MIER1: variants seen among roughly 807,000 people sequenced by gnomAD.
The protein encoded by MIER1 is MIER1 transcriptional regulator.
A neutral mutation model predicts 75.7 loss-of-function variants in MIER1; 40 were observed. The ratio of observed to expected loss-of-function variants is 0.53; its 90% confidence interval spans 0.41 to 0.69. MIER1 has a LOEUF of 0.69. MIER1 is among the 30% of genes least tolerant of loss of function. MIER1 has a pLI of 0.00. For missense variants in MIER1, 574 were observed against 680.2 expected (o/e 0.84, Z 1.74); for synonymous variants, 213 against 223.4 (o/e 0.95, Z 0.42).
rs769347989 is a variant in MIER1 at position 66,926,202 on chromosome 1, A to T, written c.128A>T (p.Asn43Ile). ...LAEFRTWLRT[N>I]WLRFNADKTD... is the part of the protein sequence containing the mutation. ...GAGTTTCGGACGTGGTTAAGAACCAACTGGTTGAGGTTCAATGCAGACAAG... is the reference window on the plus strand; with the variant it reads ...GAGTTTCGGACGTGGTTAAGAACCATCTGGTTGAGGTTCAATGCAGACAAG... The change falls in exon 2 of 14, where the codon AAC (asparagine) becomes ATC (isoleucine). Residue 43 changes from asparagine to isoleucine, a missense_variant. By Grantham distance (149) the Asn-to-Ile change is moderately radical. Coordinates refer to ENST00000401041, the MANE Select transcript of MIER1 (RefSeq NM_001077700.3). 1.2e-6 allele frequency: 2 copies of T among 1,613,892 alleles called. No homozygotes were observed. Among genetic ancestry groups the T allele is most frequent in the Admixed American group, 3.3e-5 (2 of 60,028 alleles).
In MIER1 at chr1:66,985,071, C is replaced by T; in HGVS notation, c.*171C>T. The T allele has an allele frequency of 7.4e-7, 1 of 1,346,824 alleles. No individual in the cohort carries two copies. The highest frequency in any genetic ancestry group is 9.5e-7 in the Non-Finnish European group (1 of 1,048,504). 83.4% of individuals were successfully genotyped at this position (1,346,824 alleles called of 1,614,324 possible). A position where few individuals can be genotyped will look rare whatever the true frequency, so the allele number is the denominator to read the frequency against. On this transcript the variant is annotated 3_prime_UTR_variant, in exon 14 of 14. Transcript: ENST00000401041. ...ATTCTGCCTTTTGCAGATTTTTTTA[C>T]TTTAAAGCTGTCAGACTCTTTTAAG...
chr1:66,948,208 A>T, intron 4 of MIER1: 2 of 935,190 alleles, frequency 2.1e-6, no homozygotes, highest in South Asian at 9.9e-5. Flanking sequence ...TGGATATATC[A>T]GTCTGGTATG....
At chr1:66,980,536 T>G (rs1406072593) in intron 12 of MIER1, among the ~76,000 whole-genome samples, 2 of 152,210 alleles carry the variant, frequency 1.3e-5, no homozygotes, top group African/African-American at 2.4e-5. Context: ...TAATAGCATA[T>G]TATAGACTAT....
Position 66,986,332 on chromosome 1 carries a change from T to C in MIER1, c.*1432T>C. ...AAATTCTTGTTAAATAATGTAGTTT[T>C]ATATAGCTGATAGACCAACCTATAT... is the stretch of plus-strand genomic sequence containing the variant. On this transcript the variant is annotated 3_prime_UTR_variant, in exon 14 of 14. Coordinates refer to ENST00000401041, the MANE Select transcript of MIER1 (RefSeq NM_001077700.3). 6.4e-7 allele frequency: 1 copy of C among 1,559,970 alleles called. No individual in the cohort carries two copies. Among genetic ancestry groups the C allele is most frequent in the Non-Finnish European group, 8.6e-7 (1 of 1,160,392 alleles).
intron 4 of MIER1, chr1:66,946,801 CT>C: frequency 1.0e-6 from 1 of 985,008 alleles, no homozygotes; most frequent in Non-Finnish European, 1.2e-6. Context: ...TCACTTTTCT[CT>C]CACTACCTTA....
intron 7 of MIER1, among the ~76,000 whole-genome samples, chr1:66,962,650 T>TGAC (rs1466572327): frequency 4.8e-4 from 73 of 152,232 alleles, no homozygotes; most frequent in Non-Finnish European, 5.9e-5. Flanking sequence ...CCAGCCTAGG[T>TGAC]GACAGAGCAA....
intron 10 of MIER1, among the ~76,000 whole-genome samples, chr1:66,972,231 AC>A (rs1558099764): frequency 0.039 from 2,767 of 71,222 alleles, 59 homozygotes; most frequent in Non-Finnish European, 0.053. Flanking sequence ...ATATATATAC[AC>A]TACATATATA....
At chr1:66,942,029 T>C (rs955568530) in intron 3 of MIER1, among the ~76,000 whole-genome samples, 1 of 150,574 alleles carries the variant, frequency 6.6e-6, no homozygotes, top group Non-Finnish European at 1.5e-5. Flanking sequence ...ACTTAACAGA[T>C]AGAATGTTTA....
chr1:66,948,171 C>A, intron 4 of MIER1: 1 of 893,668 alleles, frequency 1.1e-6, no homozygotes, highest in Non-Finnish European at 1.3e-6. Context: ...TGCAAGAGTG[C>A]TCACTCAAAA....
At chr1:66,945,540 C>T (rs547397299) in intron 3 of MIER1, among the ~76,000 whole-genome samples, 94 of 152,104 alleles carry the variant, frequency 6.2e-4, no homozygotes, top group African/African-American at 2.2e-3. Flanking sequence ...AGTTCATACT[C>T]ATTGGTTCTA....
chr1:66,975,444 T>C (rs543800114), intron 11 of MIER1, among the ~76,000 whole-genome samples: 1 of 152,190 alleles, frequency 6.6e-6, no homozygotes, highest in East Asian at 1.9e-4. Flanking sequence ...GGAGGATTGC[T>C]TGAGCCTGGG....
intron 2 of MIER1, 59 bp from the exon 3 acceptor site, chr1:66,939,969 T>C (rs1655798322): frequency 7.4e-7 from 1 of 1,348,706 alleles, no homozygotes; most frequent in Non-Finnish European, 1.1e-6. Context: ...ATTTCGGTAA[T>C]GTTTGTGAAG....
intron 10 of MIER1, among the ~76,000 whole-genome samples, chr1:66,972,148 T>A (rs1380982424): frequency 6.7e-6 from 1 of 150,336 alleles, no homozygotes; most frequent in African/African-American, 2.4e-5. Flanking sequence ...AATGAAGCCA[T>A]GACTAAAATT....
At chr1:66,970,128 C>T (rs1340638680) in intron 8 of MIER1, among the ~76,000 whole-genome samples, 1 of 152,122 alleles carries the variant, frequency 6.6e-6, no homozygotes, top group Non-Finnish European at 1.5e-5. Flanking sequence ...GGTCATCCTC[C>T]TTTCATTACT....
chr1:66,943,684 T>G (rs1352215841), intron 3 of MIER1, among the ~76,000 whole-genome samples: 1 of 152,126 alleles, frequency 6.6e-6, no homozygotes, highest in African/African-American at 2.4e-5. Flanking sequence ...CCTCCTAAAG[T>G]GCTGGGATTA....
At chr1:66,937,393 C>T (rs1570132562) in intron 2 of MIER1, among the ~76,000 whole-genome samples, 1 of 152,116 alleles carries the variant, frequency 6.6e-6, no homozygotes, top group Non-Finnish European at 1.5e-5. Flanking sequence ...TCGAGACCAG[C>T]CTGGCCAGCA....
chr1:66,972,261 TAGATATG>T (rs1663848953), intron 10 of MIER1, among the ~76,000 whole-genome samples: 1 of 53,634 alleles, frequency 1.9e-5, no homozygotes, highest in South Asian at 4.6e-4. Context: ...TATATATATA[TAGATATG>T]TAACAAATGA....
At chr1:66,948,401 A>G (rs1367432983) in intron 4 of MIER1, among the ~76,000 whole-genome samples, 1 of 152,232 alleles carries the variant, frequency 6.6e-6, no homozygotes, top group Non-Finnish European at 1.5e-5. Flanking sequence ...TTTTTAAAGT[A>G]TACATTTAAA....
chr1:66,936,783 G>A (rs1309424004), intron 2 of MIER1, among the ~76,000 whole-genome samples: 1 of 151,462 alleles, frequency 6.6e-6, no homozygotes, highest in South Asian at 2.1e-4. Flanking sequence ...GACGGATCAC[G>A]AGGTCAGGAG....
Sources: gnomAD v4.1 joint callset for allele counts (sites outside exome capture counted in the v4.1 genomes callset) on GRCh38, gnomAD v4.1.1 for gene constraint, MANE v1.5 for transcripts, NCBI Gene and HGNC (gene_info 2026-07-23, HGNC 2026-07-21) for gene names.